Variants in PSG2 observed in about 807,000 individuals in gnomAD.
PSG2 encodes pregnancy specific beta-1-glycoprotein 2, also known as pregnancy-specific beta-1-glycoprotein 2.
A neutral mutation model predicts 36.2 loss-of-function variants in PSG2; 49 were observed. That is an observed-to-expected ratio of 1.35 (90% CI 1.08 to 1.72). The LOEUF (loss-of-function observed/expected upper bound fraction) is 1.72. Among genes scored for constraint, PSG2 ranks in the 40% most tolerant of loss-of-function variants. The pLI is 0.00. For missense variants in PSG2, 605 were observed against 407.2 expected, an observed-to-expected ratio of 1.49 and a Z score of -4.18; for synonymous variants, 261 against 155.6, an observed-to-expected ratio of 1.68 and a Z score of -5.04.
intron 3 of PSG2, chr19:43,072,517 C>G: frequency 5.6e-6 from 9 of 1,611,200 alleles, no homozygotes; most frequent in Non-Finnish European, 7.6e-6. Flanking sequence ...GACCATTTAG[C>G]CACCAAATGT....
chr19:43,070,714 T>A (rs1459891793), intron 4 of PSG2, among the ~76,000 whole-genome samples: 4 of 151,690 alleles, frequency 2.6e-5, no homozygotes, highest in Admixed American at 6.6e-5. Context: ...TGAGAGTTAC[T>A]GTTTATTGGG....
chr19:43,069,274 G>C (rs1298890891), intron 4 of PSG2, among the ~76,000 whole-genome samples: 2 of 151,622 alleles, frequency 1.3e-5, no homozygotes, highest in Non-Finnish European at 2.9e-5. Flanking sequence ...ATTGTTAGGA[G>C]GACAGTGCTA....
intron 2 of PSG2, among the ~76,000 whole-genome samples, chr19:43,079,829 G>A (rs954357934): frequency 5.3e-5 from 8 of 151,740 alleles, no homozygotes; most frequent in Admixed American, 4.6e-4. Context: ...GGGTCCTTGG[G>A]ACCCAGTAAG....
At chr19:43,069,527 G>A (rs1209227976) in intron 4 of PSG2, among the ~76,000 whole-genome samples, 7 of 151,780 alleles carry the variant, frequency 4.6e-5, no homozygotes, top group East Asian at 3.9e-4. Flanking sequence ...AATTAATGAA[G>A]TATAATAGCC....
Position 43,071,906 on chromosome 19 carries a change from G to C in PSG2, c.758C>G (p.Ser253Ter), listed in dbSNP as rs1967823782. The C allele has an allele frequency of 6.2e-7, 1 of 1,612,620 alleles. No individual in the cohort carries two copies. The highest frequency in any genetic ancestry group is 1.7e-5 in the Admixed American group (1 of 59,940). ...RIHPSYTNYR[S>*]GDNLYLSCFA... ...GCAAGACAAGTAGAGGTTATCTCCT[G>C]AACGGTAATTGGTGTATGAAGGGTG... is the stretch of plus-strand genomic sequence containing the variant. The change falls in exon 4 of 6, where the codon TCA becomes TGA. Residue 253 changes from serine to a stop codon, truncating the protein, a stop_gained. Transcript: ENST00000406487. LOFTEE classifies it high-confidence loss of function.
chr19:43,068,285 A>G (rs1457963137), intron 4 of PSG2, among the ~76,000 whole-genome samples: 2 of 151,102 alleles, frequency 1.3e-5, no homozygotes, highest in African/African-American at 2.5e-5. Context: ...AAAATAAAAA[A>G]CCAATTAGCT....
At chr19:43,066,674 T>A in intron 4 of PSG2, 74 bp from the exon 5 acceptor site, 1 of 1,457,610 alleles carries the variant, frequency 6.9e-7, no homozygotes, top group Non-Finnish European at 9.6e-7. Context: ...GGAACAAGCA[T>A]GTAACATGAG....
intron 2 of PSG2, among the ~76,000 whole-genome samples, chr19:43,079,730 G>C (rs895829126): frequency 6.6e-6 from 1 of 151,722 alleles, no homozygotes; most frequent in Non-Finnish European, 1.5e-5. Flanking sequence ...TTTAGTTCTG[G>C]AGTACAGATT....
rs746396307 is a variant in PSG2 at position 43,064,508 on chromosome 19, A to G, written c.*134T>C. 1.3e-4 allele frequency: 78 copies of G among 591,526 alleles called. 1 individual carries two copies. Among genetic ancestry groups the G allele is most frequent in the Non-Finnish European group, 2.1e-4 (69 of 321,840 alleles). 36.6% of individuals were successfully genotyped at this position (591,526 alleles called of 1,614,324 possible). On this transcript the variant is annotated 3_prime_UTR_variant, in exon 6 of 6. Coordinates refer to ENST00000406487, the MANE Select transcript of PSG2 (RefSeq NM_031246.4). Reference sequence around the variant, plus strand: ...TCATGAAGGTATCAGCCTGTTCATTAAAATTTTGAAAGTTCTTAGTCCAGT... The same window carrying G: ...TCATGAAGGTATCAGCCTGTTCATTGAAATTTTGAAAGTTCTTAGTCCAGT...
intron 4 of PSG2, among the ~76,000 whole-genome samples, chr19:43,067,533 C>G (rs568966198): frequency 1.3e-5 from 2 of 151,408 alleles, no homozygotes; most frequent in South Asian, 4.2e-4. Flanking sequence ...TTCCCTGTAT[C>G]TCATTTAATC....
In PSG2 at chr19:43,072,456, G is replaced by T. The variant is rs374834470; in HGVS notation, c.710-502C>A. Reference sequence around the variant, plus strand: ...TTTCTCGTGACACTGGGTAGAATGAGGATCCTGTTTTCAATGGGTCGCTTT... The same window carrying T: ...TTTCTCGTGACACTGGGTAGAATGATGATCCTGTTTTCAATGGGTCGCTTT... On this transcript the variant is annotated intron_variant, in intron 3 of 5. Transcript: ENST00000406487. 5.6e-6 allele frequency: 9 copies of T among 1,611,684 alleles called. No individual in the cohort carries two copies. The Admixed American group carries it at 1.5e-4, about 27-fold the overall frequency.
Position 43,071,960 on chromosome 19 carries a change from G to A in PSG2, c.710-6C>T, listed in dbSNP as rs1258339944. 3.7e-6 allele frequency: 6 copies of A among 1,611,618 alleles called. No homozygotes were observed. Among genetic ancestry groups the A allele is most frequent in the African/African-American group, 1.3e-5 (1 of 74,320 alleles). On this transcript the variant is annotated splice_polypyrimidine_tract_variant and splice_region_variant and intron_variant, in intron 3 of 5. Transcript: ENST00000406487. ...TCTGGGGAGGTCTGGACCATCTGGA[G>A]CAAAGAGAATAAAGCCACAGGTGAT...
At chr19:43,080,341 C>G (rs1330959941) in intron 2 of PSG2, among the ~76,000 whole-genome samples, 1 of 151,758 alleles carries the variant, frequency 6.6e-6, no homozygotes, top group Non-Finnish European at 1.5e-5. Context: ...GAGGGCTGAG[C>G]CCTAGCTGGT....
intron 3 of PSG2, among the ~76,000 whole-genome samples, chr19:43,073,835 AT>A (rs1454091333): frequency 6.6e-6 from 1 of 151,744 alleles, no homozygotes; most frequent in East Asian, 1.9e-4. Flanking sequence ...GATTTCTGAC[AT>A]TTTTTGATTC....
intron 2 of PSG2, among the ~76,000 whole-genome samples, chr19:43,077,219 C>T (rs1455976683): frequency 4.0e-5 from 6 of 151,672 alleles, no homozygotes; most frequent in African/African-American, 1.5e-4. Context: ...AGCAGGATCA[C>T]ATTATGCTCA....
chr19:43,076,020 C>A lies in PSG2; in HGVS notation c.431-388G>T, dbSNP rs558101120. ...TCTTAGTTTCAGTCTTACTTTGCCC[C>A]CTGAGGTATGTTTTCTCTGCAGCTT... On this transcript the variant is annotated intron_variant, in intron 2 of 5. Coordinates refer to ENST00000406487, the MANE Select transcript of PSG2 (RefSeq NM_031246.4). Among the ~76,000 whole-genome samples the A allele has an allele frequency of 2.0e-5, 3 of 151,546 alleles. 1 individual carries two copies. The highest frequency in any genetic ancestry group is 7.3e-5 in the African/African-American group (3 of 40,948).
At chr19:43,071,017 C>G (rs116514263) in intron 4 of PSG2, among the ~76,000 whole-genome samples, 2,306 of 151,750 alleles carry the variant, frequency 0.015, 94 homozygotes, top group East Asian at 0.093. Context: ...CCGCTGACTT[C>G]AGAGCCAGGA....
chr19:43,073,504 G>A (rs1449939017), intron 3 of PSG2, among the ~76,000 whole-genome samples: 1 of 151,750 alleles, frequency 6.6e-6, no homozygotes, highest in East Asian at 1.9e-4. Flanking sequence ...TGGTCGTCAT[G>A]GACCATGTGT....
chr19:43,066,528 C>T lies in PSG2; in HGVS notation c.*29G>A. On this transcript the variant is annotated 3_prime_UTR_variant, in exon 5 of 6. Transcript: ENST00000406487. ...AAAGGCCATCATACCTGCCAGTCTT[C>T]CTGAAATACAGAAATGACATCACAG... The T allele has an allele frequency of 6.4e-7, 1 of 1,569,928 alleles. No homozygotes were observed. Among genetic ancestry groups the T allele is most frequent in the Non-Finnish European group, 8.8e-7 (1 of 1,140,968 alleles).
Sources: gnomAD v4.1 joint callset for allele counts (sites outside exome capture counted in the v4.1 genomes callset) on GRCh38, gnomAD v4.1.1 for gene constraint, MANE v1.5 for transcripts, NCBI Gene and HGNC (gene_info 2026-07-23, HGNC 2026-07-21) for gene names.